LTA: variants seen among roughly 807,000 people sequenced by gnomAD.
LTA encodes the protein lymphotoxin-alpha.
In LTA, 6 loss-of-function variants were observed where a neutral mutation model predicts 15.1. That is an observed-to-expected ratio of 0.40 (90% CI 0.22 to 0.78). LTA has a LOEUF of 0.78. Ranked by LOEUF, LTA falls within the 30% of genes least tolerant of loss-of-function variation. LTA has a pLI of 0.38. For synonymous variants in LTA, 87 were observed against 107.3 expected, an observed-to-expected ratio of 0.81 and a Z score of 1.17; for missense variants, 173 against 249.5, an observed-to-expected ratio of 0.69 and a Z score of 2.06.
At chr6:31,563,219 G>T in the LTA span, among the ~76,000 whole-genome samples, 1 of 152,046 alleles carries the variant, frequency 6.6e-6, no homozygotes, top group Non-Finnish European at 1.5e-5. Context: ...AGAGAATATA[G>T]TAAAGATAGA....
At chr6:31,569,492 G>A (rs751683333), upstream of LTA, among the ~76,000 whole-genome samples, 3 of 152,088 alleles carry the variant, frequency 2.0e-5, no homozygotes, top group Non-Finnish European at 2.9e-5. Flanking sequence ...AGATAATAAG[G>A]TTAAAAGAAT....
chr6:31,568,932 C>T (rs1770701281), upstream of LTA, among the ~76,000 whole-genome samples: 1 of 152,046 alleles, frequency 6.6e-6, no homozygotes, highest in African/African-American at 2.4e-5. The surrounding 1 kb of genome is among the most constrained non-coding windows in gnomAD (Gnocchi z 4.1). Context: ...CATTCTTCCT[C>T]TTTAATTTAA....
chr6:31,572,890 T>G (rs1434331450), intron 2 of LTA, 38 bp from the exon 3 acceptor site: 2 of 1,610,612 alleles, frequency 1.2e-6, no homozygotes, highest in South Asian at 1.1e-5. Flanking sequence ...AGCCAAACCT[T>G]GAGCCCTAGA....
At chr6:31,568,335 G>C (rs990494575), upstream of LTA, among the ~76,000 whole-genome samples, 3 of 152,206 alleles carry the variant, frequency 2.0e-5, no homozygotes, top group Non-Finnish European at 4.4e-5. This position sits in a 1 kb window ranked among gnomAD's most constrained non-coding sequence, Gnocchi z 4.1. Flanking sequence ...TTTAAGTTTA[G>C]TGTTAGGAGT....
chr6:31,573,103 A>G, intron 3 of LTA, 70 bp downstream of exon 3: 2 of 1,374,754 alleles, frequency 1.5e-6, no homozygotes, highest in South Asian at 2.4e-5. Context: ...CAGGAACCCA[A>G]GCATCCACCC....
the LTA span, among the ~76,000 whole-genome samples, chr6:31,565,184 G>A: frequency 2.6e-5 from 4 of 152,184 alleles, no homozygotes; most frequent in African/African-American, 9.7e-5. Flanking sequence ...ACCACAGAGA[G>A]GAGTAGCATC....
rs2150384773 is a variant in LTA at position 31,572,963 on chromosome 6, C to T, written c.135C>T (p.Ala45=). The change falls in exon 3 of 4, where the codon GCC becomes GCT. Residue 45 remains alanine (A), a synonymous_variant. Transcript: ENST00000418386. ...GTGTTGGCCTCACACCTTCAGCTGC[C>T]CAGACTGCCCGTCAGCACCCCAAGA... ...LPGVGLTPSA[A]QTARQHPKMH... The T allele has an allele frequency of 6.2e-7, 1 of 1,612,762 alleles. No homozygotes were observed. The highest frequency in any genetic ancestry group is 1.6e-4 in the Middle Eastern group (1 of 6,062).
chr6:31,573,503 C>G lies in LTA; in HGVS notation c.428C>G (p.Pro143Arg), dbSNP rs1237341170. The G allele has an allele frequency of 1.9e-6, 3 of 1,614,104 alleles. No homozygotes were observed. The highest frequency in any genetic ancestry group is 1.7e-6 in the Non-Finnish European group (2 of 1,179,998). Residue 143 changes from proline (P) to arginine (R), a missense_variant, in exon 4 of 4, where the codon CCC (proline) becomes CGC (arginine). Pro to Arg is a moderately radical substitution (Grantham distance 103). Coordinates refer to ENST00000418386, the MANE Select transcript of LTA (RefSeq NM_000595.4). ...HEVQLFSSQY[P>R]FHVPLLSSQK... ...GTCCAGCTCTTCTCCTCCCAGTACC[C>G]CTTCCATGTGCCTCTCCTCAGCTCC... is the stretch of plus-strand genomic sequence containing the variant.
intron 2 of LTA, 21 bp from the exon 3 acceptor site, chr6:31,572,907 C>G (rs557604867): frequency 6.2e-7 from 1 of 1,611,028 alleles, no homozygotes; most frequent in Non-Finnish European, 8.5e-7. Flanking sequence ...TAGAGCCCCC[C>G]TCAACTCTGT....
At chr6:31,572,894 C>A (rs753123804) in intron 2 of LTA, 34 bp from the exon 3 acceptor site, 4 of 1,610,040 alleles carry the variant, frequency 2.5e-6, no homozygotes, top group Admixed American at 3.3e-5. Flanking sequence ...AAACCTTGAG[C>A]CCTAGAGCCC....
intron 3 of LTA, 111 bp downstream of exon 3, chr6:31,573,144 AAC>A: frequency 8.1e-7 from 1 of 1,233,258 alleles, no homozygotes; most frequent in Non-Finnish European, 1.2e-6. Flanking sequence ...CGCTAAAAAA[AAC>A]AGAGGGAGCC....
upstream of LTA, among the ~76,000 whole-genome samples, chr6:31,567,569 A>G (rs117396739): frequency 4.2e-4 from 56 of 134,842 alleles, 1 homozygote; most frequent in East Asian, 0.012. Context: ...TGTCAAAAGA[A>G]AAAAAAATCC....
At chr6:31,566,079 G>A in the LTA span, among the ~76,000 whole-genome samples, 1 of 151,846 alleles carries the variant, frequency 6.6e-6, no homozygotes, top group Admixed American at 6.6e-5. Context: ...TCGGGGGGCC[G>A]AGGCAAGAGA....
At chr6:31,564,847 G>A in the LTA span, among the ~76,000 whole-genome samples, 1,357 of 152,164 alleles carry the variant, frequency 8.9e-3, 6 homozygotes, top group Non-Finnish European at 0.013. Flanking sequence ...CCAGGAGGTC[G>A]AGGCTGCAGT....
At chr6:31,572,624 A>C (rs1583040340) in intron 1 of LTA, 110 bp from the exon 2 acceptor site, 5 of 681,166 alleles carry the variant, frequency 7.3e-6, no homozygotes, top group African/African-American at 6.1e-5. Flanking sequence ...TTCTCTGTCG[A>C]TCTCTCTCTC....
intron 1 of LTA, 100 bp downstream of exon 1, chr6:31,572,546 G>C: frequency 5.0e-6 from 3 of 598,912 alleles, no homozygotes; most frequent in South Asian, 2.0e-5. Context: ...ATTCCTCTCT[G>C]TTCCCTTCCT....
At chr6:31,564,696 A>G in the LTA span, among the ~76,000 whole-genome samples, 1 of 151,174 alleles carries the variant, frequency 6.6e-6, no homozygotes, top group Non-Finnish European at 1.5e-5. Flanking sequence ...GCTTGAGCTC[A>G]GGAGTTCAAG....
chr6:31,561,244 G>A, the LTA span, among the ~76,000 whole-genome samples: 28 of 152,310 alleles, frequency 1.8e-4, no homozygotes, highest in East Asian at 2.1e-3. Flanking sequence ...AGTGGTCCAG[G>A]TGACGATGAA....
chr6:31,567,604 T>TCTCTC (rs9281525), upstream of LTA, among the ~76,000 whole-genome samples: 7 of 103,484 alleles, frequency 6.8e-5, no homozygotes, highest in South Asian at 3.4e-4. Flanking sequence ...ACCTCCCTCT[T>TCTCTC]TCTCTCTCTC....
Sources: allele counts gnomAD v4.1 joint callset (sites outside exome capture counted in the v4.1 genomes callset), GRCh38; gene constraint gnomAD v4.1.1; non-coding constraint Gnocchi (gnomAD v3.1); transcripts MANE v1.5; gene names NCBI Gene and HGNC (gene_info 2026-07-23, HGNC 2026-07-21).